Variants in LYPLAL1 observed in about 807,000 individuals in gnomAD.
The protein encoded by LYPLAL1 is lysophospholipase like 1.
LYPLAL1 carries 23 observed loss-of-function variants against 19.7 expected under a neutral mutation model. The ratio of observed to expected loss-of-function variants is 1.17; its 90% CI spans 0.84 to 1.65. LYPLAL1 has a LOEUF of 1.65. LYPLAL1 is among the 40% of genes most tolerant of loss of function. The probability of loss-of-function intolerance (pLI) is 0.00; values close to 1 mark genes in which losing one functional copy is unlikely to be tolerated. For synonymous variants in LYPLAL1, 119 were observed against 96.3 expected (o/e 1.24, Z -1.38); for missense variants, 355 against 279.4 (o/e 1.27, Z -1.93).
chr1:219,369,757 G>A, the LYPLAL1 span, among the ~76,000 whole-genome samples: 2 of 152,210 alleles, frequency 1.3e-5, no homozygotes. Flanking sequence ...ATACAAACAT[G>A]ACCAAGCTAG....
At chr1:219,314,202 C>A in the LYPLAL1 span, among the ~76,000 whole-genome samples, 8 of 152,132 alleles carry the variant, frequency 5.3e-5, no homozygotes, top group Non-Finnish European at 1.2e-4. Context: ...GCATATGTAC[C>A]ACATTTTTAA....
chr1:219,411,460 G>A, the LYPLAL1 span, among the ~76,000 whole-genome samples: 2 of 152,114 alleles, frequency 1.3e-5, no homozygotes, highest in Non-Finnish European at 2.9e-5. Context: ...ATGGGGAGGT[G>A]GAGAACCTTT....
At chr1:219,335,246 CTGTTCACACTCAT>C in the LYPLAL1 span, among the ~76,000 whole-genome samples, 2 of 151,904 alleles carry the variant, frequency 1.3e-5, no homozygotes, top group Non-Finnish European at 2.9e-5. Flanking sequence ...CTATCCCCTC[CTGTTCACACTCAT>C]TTCATTGGTT....
At chr1:219,352,677 T>C in the LYPLAL1 span, among the ~76,000 whole-genome samples, 1 of 152,204 alleles carries the variant, frequency 6.6e-6, no homozygotes, top group Admixed American at 6.5e-5. Flanking sequence ...AACGATTTAA[T>C]AGGCATACCT....
chr1:219,384,516 ATCATC>A, the LYPLAL1 span, among the ~76,000 whole-genome samples: 2 of 152,182 alleles, frequency 1.3e-5, no homozygotes, highest in African/African-American at 4.8e-5. Context: ...TTAGTGTAGA[ATCATC>A]TCAGATCAAA....
the LYPLAL1 span, among the ~76,000 whole-genome samples, chr1:219,410,887 A>G: frequency 6.6e-6 from 1 of 152,104 alleles, no homozygotes; most frequent in Non-Finnish European, 1.5e-5. Flanking sequence ...CTGCCTTCCC[A>G]CGGGGCAGGG....
At chr1:219,378,203 G>A in the LYPLAL1 span, among the ~76,000 whole-genome samples, 2 of 152,172 alleles carry the variant, frequency 1.3e-5, no homozygotes, top group South Asian at 4.1e-4. Flanking sequence ...AGACATACCT[G>A]AGACAGGGGA....
At chr1:219,388,247 A>G in the LYPLAL1 span, among the ~76,000 whole-genome samples, 9 of 152,264 alleles carry the variant, frequency 5.9e-5, no homozygotes, top group African/African-American at 2.2e-4. Context: ...TCTTGGCAAG[A>G]CCATGCAATC....
At chr1:219,366,008 T>C in the LYPLAL1 span, among the ~76,000 whole-genome samples, 1 of 152,198 alleles carries the variant, frequency 6.6e-6, no homozygotes, top group South Asian at 2.1e-4. Flanking sequence ...GTATTGGACC[T>C]TATCTCAGTT....
At chr1:219,387,809 T>C in the LYPLAL1 span, among the ~76,000 whole-genome samples, 1 of 152,210 alleles carries the variant, frequency 6.6e-6, no homozygotes, top group African/African-American at 2.4e-5. Flanking sequence ...TTCTTCTAAC[T>C]GTCTAAATTA....
At chr1:219,352,609 C>T in the LYPLAL1 span, among the ~76,000 whole-genome samples, 3 of 152,114 alleles carry the variant, frequency 2.0e-5, no homozygotes, top group Non-Finnish European at 4.4e-5. Context: ...ATATAGTAGG[C>T]GTTCAGTAAA....
chr1:219,310,342 A>G, the LYPLAL1 span, among the ~76,000 whole-genome samples: 1 of 152,110 alleles, frequency 6.6e-6, no homozygotes, highest in Admixed American at 6.5e-5. Flanking sequence ...CCTGCTCCCT[A>G]TCTGAGGTCC....
the LYPLAL1 span, among the ~76,000 whole-genome samples, chr1:219,438,949 C>T: frequency 1.5e-3 from 232 of 152,216 alleles, no homozygotes; most frequent in East Asian, 0.014. Flanking sequence ...CACTTGATAA[C>T]CCTATTAAAT....
At chr1:219,272,032 C>T in the LYPLAL1 span, 7 of 152,232 alleles carry the variant, frequency 4.6e-5, no homozygotes, top group Non-Finnish European at 7.3e-5. Context: ...AGGTTGCAGT[C>T]CCTGTTGGGG....
chr1:219,245,835 A>G, the LYPLAL1 span, among the ~76,000 whole-genome samples: 1 of 152,218 alleles, frequency 6.6e-6, no homozygotes, highest in Admixed American at 6.5e-5. Flanking sequence ...TACTTTGATT[A>G]ATATAAAATT....
the LYPLAL1 span, among the ~76,000 whole-genome samples, chr1:219,247,025 C>T: frequency 6.6e-6 from 1 of 152,168 alleles, no homozygotes; most frequent in Non-Finnish European, 1.5e-5. Flanking sequence ...TCTGTTTTCT[C>T]ATTTGAAAAG....
the LYPLAL1 span, among the ~76,000 whole-genome samples, chr1:219,427,812 C>G: frequency 6.6e-6 from 1 of 152,062 alleles, no homozygotes; most frequent in South Asian, 2.1e-4. Flanking sequence ...CAGAAATGGC[C>G]AAGTTTTCCA....
the LYPLAL1 span, among the ~76,000 whole-genome samples, chr1:219,365,588 A>G: frequency 6.6e-6 from 1 of 152,142 alleles, no homozygotes; most frequent in Admixed American, 6.6e-5. Flanking sequence ...TCTTCCCTGG[A>G]TACCTCTACA....
chr1:219,433,701 C>T, the LYPLAL1 span, among the ~76,000 whole-genome samples: 2 of 152,244 alleles, frequency 1.3e-5, no homozygotes, highest in South Asian at 4.1e-4. Context: ...TTCTGTGCAG[C>T]TGGAATCCCA....
Sources: gnomAD v4.1 joint callset for allele counts (sites outside exome capture counted in the v4.1 genomes callset) on GRCh38, gnomAD v4.1.1 for gene constraint, MANE v1.5 for transcripts, NCBI Gene and HGNC (gene_info 2026-07-23, HGNC 2026-07-21) for gene names.